The following PHF14 variants were observed in gnomAD, a reference collection of about 807,000 sequenced individuals.
PHF14 encodes PHD finger protein 14.
In PHF14, 55 loss-of-function variants were observed where a neutral mutation model predicts 117.9. The observed-to-expected ratio is 0.47, with a 90% CI of 0.38 to 0.58. The LOEUF (loss-of-function observed/expected upper bound fraction) is 0.58. Ranked by LOEUF, PHF14 falls within the 20% of genes least tolerant of loss-of-function variation. The pLI, the probability that PHF14 is intolerant of heterozygous loss-of-function variation, is 0.00. For missense variants in PHF14, 978 were observed against 1,122.2 expected, an observed-to-expected ratio of 0.87 and a Z score of 1.84; for synonymous variants, 409 against 368.6, an observed-to-expected ratio of 1.11 and a Z score of -1.26.
Position 10,990,682 on chromosome 7 carries a change from ATG to A in PHF14, c.901-19_901-18del. Reference sequence around the variant, plus strand: ...TACTTTAAATGTGATTTTCTGATATATGTTAATATTTTAATATTAGGACTCGC... The same window carrying A: ...TACTTTAAATGTGATTTTCTGATATATTAATATTTTAATATTAGGACTCGC... On this transcript the variant is annotated intron_variant, in intron 3 of 17. Coordinates refer to ENST00000634607, the MANE Select transcript of PHF14 (RefSeq NM_001007157.2). 7.1e-7 allele frequency: 1 copy of A among 1,413,550 alleles called. No individual in the cohort carries two copies. Among genetic ancestry groups the A allele is most frequent in the Non-Finnish European group, 9.6e-7 (1 of 1,038,358 alleles). The allele number at this position is 1,413,550 out of a possible 1,614,324, so 87.6% of individuals were successfully genotyped here.
At position 11,062,000 on chromosome 7, in the gene PHF14, G is replaced by T; in HGVS notation, c.2569G>T (p.Val857Leu). 1 of 1,604,328 alleles carries T rather than the reference G, an allele frequency of 6.2e-7. No homozygotes were observed. Among genetic ancestry groups the T allele is most frequent in the South Asian group, 1.1e-5 (1 of 89,328 alleles). Residue 857 changes from valine to leucine, a missense_variant, in exon 16 of 18, where the codon GTG (valine) becomes TTG (leucine). Around this residue, in one of 7 missense-constraint regions of PHF14, gnomAD observed 180 missense variants for 195.4 expected, o/e 0.92. Coordinates refer to ENST00000634607, the MANE Select transcript of PHF14 (RefSeq NM_001007157.2). ...VPRERRQRQS[V>L]LQKKPKAEDL... is the part of the protein sequence containing the mutation. Reference sequence around the variant, plus strand: ...TAGAGAGAGAAGACAAAGACAGTCTGTGTTGCAAAAGAAGCCCAAGGCTGA... The same window carrying T: ...TAGAGAGAGAAGACAAAGACAGTCTTTGTTGCAAAAGAAGCCCAAGGCTGA...
chr7:11,046,770 AATG>A (rs1784678566), intron 13 of PHF14, among the ~76,000 whole-genome samples: 1 of 152,160 alleles, frequency 6.6e-6, no homozygotes, highest in Admixed American at 6.5e-5. Flanking sequence ...GTCTGAGAAG[AATG>A]ATATTTGAGC....
intron 17 of PHF14, among the ~76,000 whole-genome samples, chr7:11,167,233 C>T (rs1209841987): frequency 6.6e-6 from 1 of 152,110 alleles, no homozygotes; most frequent in Non-Finnish European, 1.5e-5. Context: ...ACTTAGTAGA[C>T]TGTCCGTGTG....
At chr7:11,021,674 G>C (rs1294902824) in intron 5 of PHF14, among the ~76,000 whole-genome samples, 1 of 152,130 alleles carries the variant, frequency 6.6e-6, no homozygotes, top group Admixed American at 6.5e-5. Context: ...ATTAAATTGA[G>C]AAAGCAGCTG....
intron 16 of PHF14, among the ~76,000 whole-genome samples, chr7:11,069,757 A>G (rs1275302301): frequency 1.3e-5 from 2 of 148,610 alleles, no homozygotes; most frequent in African/African-American, 5.0e-5. Flanking sequence ...CTTGGTCTCA[A>G]ACTCCTGGGC....
At chr7:11,154,201 T>A (rs908284838) in intron 17 of PHF14, among the ~76,000 whole-genome samples, 1 of 152,168 alleles carries the variant, frequency 6.6e-6, no homozygotes, top group Non-Finnish European at 1.5e-5. Context: ...ATTGTATTTA[T>A]ATTAAGGAAT....
intron 16 of PHF14, among the ~76,000 whole-genome samples, chr7:11,085,395 C>T (rs1435839134): frequency 6.6e-6 from 1 of 152,140 alleles, no homozygotes; most frequent in Non-Finnish European, 1.5e-5. Context: ...GATTTTAAAA[C>T]ATGTTGAAGC....
intron 3 of PHF14, among the ~76,000 whole-genome samples, chr7:10,985,044 A>G (rs1782164932): frequency 6.6e-6 from 1 of 152,182 alleles, no homozygotes; most frequent in African/African-American, 2.4e-5. Flanking sequence ...CAAGCTCTAC[A>G]GTAGTTTTTT....
chr7:10,997,062 A>G (rs1338195763), intron 4 of PHF14, among the ~76,000 whole-genome samples: 3 of 152,144 alleles, frequency 2.0e-5, no homozygotes, highest in Non-Finnish European at 4.4e-5. Flanking sequence ...CCTTTTGCAT[A>G]TTTGCCTCAA....
chr7:11,066,158 G>A (rs1468736554), intron 16 of PHF14, among the ~76,000 whole-genome samples: 1 of 152,168 alleles, frequency 6.6e-6, no homozygotes, highest in Non-Finnish European at 1.5e-5. Flanking sequence ...TGGCTTGTCA[G>A]TGCATCCTCC....
At chr7:11,010,350 G>T (rs1783304250) in intron 4 of PHF14, among the ~76,000 whole-genome samples, 1 of 152,010 alleles carries the variant, frequency 6.6e-6, no homozygotes, top group Non-Finnish European at 1.5e-5. Context: ...AGGTGATGAA[G>T]ATGATGATTG....
intron 16 of PHF14, among the ~76,000 whole-genome samples, chr7:11,071,812 C>G (rs1785622003): frequency 6.6e-6 from 1 of 152,108 alleles, no homozygotes; most frequent in Admixed American, 6.5e-5. Context: ...AAGAGAACTT[C>G]TAATTAAAGA....
At chr7:11,087,515 GT>G (rs1786462234) in intron 16 of PHF14, among the ~76,000 whole-genome samples, 1 of 151,968 alleles carries the variant, frequency 6.6e-6, no homozygotes, top group Non-Finnish European at 1.5e-5. Context: ...TCTTGACCTG[GT>G]TTTTTTGTTG....
intron 4 of PHF14, among the ~76,000 whole-genome samples, chr7:10,997,559 G>T (rs1782704115): frequency 6.6e-6 from 1 of 152,210 alleles, no homozygotes. Flanking sequence ...CAGTTGGTTG[G>T]GTTGTTCTGG....
chr7:11,014,022 C>A, intron 5 of PHF14, 116 bp downstream of exon 5: 1 of 621,624 alleles, frequency 1.6e-6, no homozygotes, highest in Non-Finnish European at 2.7e-6. Context: ...TTTGTATCTT[C>A]TTGGCATAGA....
At chr7:10,988,151 G>C (rs1337146578) in intron 3 of PHF14, among the ~76,000 whole-genome samples, 1 of 151,828 alleles carries the variant, frequency 6.6e-6, no homozygotes, top group African/African-American at 2.4e-5. Context: ...TTTATCTCTA[G>C]TTTTCCCTAT....
chr7:11,015,979 C>G (rs988435535), intron 5 of PHF14, among the ~76,000 whole-genome samples: 19 of 152,056 alleles, frequency 1.2e-4, no homozygotes, highest in African/African-American at 4.6e-4. Flanking sequence ...TTTAAAAGTT[C>G]TGTTAGGACA....
chr7:11,108,711 G>C (rs1053852991), intron 16 of PHF14: 1 of 151,660 alleles, frequency 6.6e-6, no homozygotes, highest in Non-Finnish European at 1.5e-5. Context: ...AATTGTACGA[G>C]TAGTTGAAAT....
intron 2 of PHF14, among the ~76,000 whole-genome samples, chr7:10,981,566 A>C (rs1782044155): frequency 6.6e-6 from 1 of 152,176 alleles, no homozygotes; most frequent in Non-Finnish European, 1.5e-5. Context: ...TAATGTCTTC[A>C]GCCTAACTTT....
Sources: allele counts gnomAD v4.1 joint callset (sites outside exome capture counted in the v4.1 genomes callset), GRCh38; gene constraint gnomAD v4.1.1; regional missense constraint gnomAD v4.1.1; transcripts MANE v1.5; gene names NCBI Gene and HGNC (gene_info 2026-07-23, HGNC 2026-07-21).